SPAG1: variants seen among roughly 807,000 people sequenced by gnomAD.
The protein encoded by SPAG1 is sperm associated antigen 1.
SPAG1 carries 69 observed loss-of-function variants against 100.5 expected under a neutral mutation model. The ratio of observed to expected loss-of-function variants is 0.69; its 90% CI spans 0.57 to 0.84. The LOEUF (loss-of-function observed/expected upper bound fraction) is 0.84. Among genes scored for constraint, SPAG1 ranks in the 40% least tolerant of loss-of-function variants. The probability of loss-of-function intolerance (pLI) is 0.00; values close to 1 mark genes in which losing one functional copy is unlikely to be tolerated. For missense variants in SPAG1, 955 were observed against 1,133.1 expected (o/e 0.84, Z 2.26); for synonymous variants, 336 against 411.6 (o/e 0.82, Z 2.22).
At position 100,162,200 on chromosome 8, in the gene SPAG1, A is replaced by C. The variant is rs778180586; in HGVS notation, c.-2-79A>C. ...TTAAAAATTCAAAAAAATACAAAGA[A>C]GTACCTACATGGTTACCACTATCCA... On this transcript the variant is annotated intron_variant, in intron 1 of 18. Transcript: ENST00000388798. The C allele has an allele frequency of 2.6e-6, 3 of 1,162,734 alleles. No individual in the cohort carries two copies. In the Admixed American group the frequency reaches 8.5e-5, roughly 33 times the overall value. 72.0% of individuals were successfully genotyped at this position (1,162,734 alleles called of 1,614,324 possible).
chr8:100,181,083 C>G (rs1428440745), intron 4 of SPAG1, among the ~76,000 whole-genome samples: 1 of 152,108 alleles, frequency 6.6e-6, no homozygotes, highest in South Asian at 2.1e-4. Context: ...GGCACATGTC[C>G]CAGCCTTTCA....
chr8:100,190,436 C>T (rs1816764977), intron 8 of SPAG1, among the ~76,000 whole-genome samples: 1 of 152,000 alleles, frequency 6.6e-6, no homozygotes, highest in African/African-American at 2.4e-5. Flanking sequence ...GAGAGGCATT[C>T]ATTGTCAGTA....
At chr8:100,197,783 G>A (rs533117985) in intron 10 of SPAG1, among the ~76,000 whole-genome samples, 1 of 152,214 alleles carries the variant, frequency 6.6e-6, no homozygotes, top group African/African-American at 2.4e-5. Context: ...TCCCGACTGG[G>A]GTATAACATA....
At chr8:100,169,477 C>T (rs187650720) in intron 3 of SPAG1, among the ~76,000 whole-genome samples, 82 of 152,300 alleles carry the variant, frequency 5.4e-4, no homozygotes, top group Admixed American at 4.3e-3. Flanking sequence ...CAGTGGCTCA[C>T]GCCTATAATC....
At chr8:100,176,353 CT>C (rs967886344) in intron 3 of SPAG1, among the ~76,000 whole-genome samples, 58 of 145,316 alleles carry the variant, frequency 4.0e-4, no homozygotes, top group African/African-American at 9.3e-4. Context: ...GAATGTCTTT[CT>C]TTTTTTTTTT....
chr8:100,159,237 A>G (rs932600123), intron 1 of SPAG1, among the ~76,000 whole-genome samples: 3 of 152,192 alleles, frequency 2.0e-5, no homozygotes, highest in Non-Finnish European at 4.4e-5. Flanking sequence ...GGCAGCATCA[A>G]TAATTTACGA....
At chr8:100,189,421 G>A (rs1363394491) in intron 8 of SPAG1, among the ~76,000 whole-genome samples, 1 of 152,078 alleles carries the variant, frequency 6.6e-6, no homozygotes. Flanking sequence ...AGGTTGCAGT[G>A]AGCTGAGATC....
chr8:100,232,009 G>C (rs1818794472), intron 15 of SPAG1, among the ~76,000 whole-genome samples: 1 of 151,726 alleles, frequency 6.6e-6, no homozygotes, highest in Non-Finnish European at 1.5e-5. Flanking sequence ...TTTTCCTTCT[G>C]AAGTGCTGCG....
chr8:100,213,795 TATTTA>T lies in SPAG1; in HGVS notation c.1436-20_1436-16del, dbSNP rs1166797100. 1.2e-5 allele frequency: 16 copies of T among 1,380,242 alleles called. No individual in the cohort carries two copies. The highest frequency in any genetic ancestry group is 1.6e-5 in the Non-Finnish European group (16 of 974,536). The allele number at this position is 1,380,242 out of a possible 1,614,324, so 85.5% of individuals were successfully genotyped here. ...TGATCTTGCTAATGGATTTTAACTGTATTTAATTAAATGTGATTTTTAGGAAGTGA... is the reference window on the plus strand; with the variant it reads ...TGATCTTGCTAATGGATTTTAACTGTATTAAATGTGATTTTTAGGAAGTGA... On this transcript the variant is annotated intron_variant, in intron 11 of 18. Coordinates refer to ENST00000388798, the MANE Select transcript of SPAG1 (RefSeq NM_003114.5).
At chr8:100,179,403 A>G (rs746567477) in intron 4 of SPAG1, among the ~76,000 whole-genome samples, 3 of 152,174 alleles carry the variant, frequency 2.0e-5, no homozygotes, top group Non-Finnish European at 4.4e-5. Context: ...AATAACAATA[A>G]TAATAGTCCC....
At position 100,227,958 on chromosome 8, in the gene SPAG1, C is replaced by T. The variant is rs576983765; in HGVS notation, c.1855+2619C>T. Among the ~76,000 whole-genome samples the T allele has an allele frequency of 8.6e-5, 13 of 150,826 alleles. No individual in the cohort carries two copies. In the Admixed American group the frequency reaches 8.6e-4, roughly 10 times the overall value. On this transcript the variant is annotated intron_variant, in intron 14 of 18. Coordinates refer to ENST00000388798, the MANE Select transcript of SPAG1 (RefSeq NM_003114.5). ...ACCTCCTGGGTTCAGGCAGTCTTCC[C>T]ACCTCAGTCCTGAGTAGCTGGGACT...
At chr8:100,213,749 T>C in intron 11 of SPAG1, 70 bp from the exon 12 acceptor site, 1 of 995,386 alleles carries the variant, frequency 1.0e-6, no homozygotes, top group Non-Finnish European at 1.6e-6. Flanking sequence ...ACCTCGGCCG[T>C]CTTGTAATTC....
At chr8:100,221,746 C>A (rs533459623) in intron 13 of SPAG1, among the ~76,000 whole-genome samples, 2 of 152,160 alleles carry the variant, frequency 1.3e-5, no homozygotes, top group Non-Finnish European at 2.9e-5. Flanking sequence ...GCAGAGAGAG[C>A]ACTTGAAGGG....
chr8:100,209,303 CAT>C (rs367809874), intron 10 of SPAG1, among the ~76,000 whole-genome samples: 74 of 145,782 alleles, frequency 5.1e-4, no homozygotes, highest in African/African-American at 7.0e-4. Context: ...CCTTTATATA[CAT>C]ATATATATAT....
chr8:100,217,424 G>C (rs1035631726), intron 12 of SPAG1, among the ~76,000 whole-genome samples: 3 of 152,100 alleles, frequency 2.0e-5, no homozygotes, highest in Non-Finnish European at 4.4e-5. Context: ...TTTTCCAGGG[G>C]TGTGTTTGGA....
chr8:100,230,729 T>A (rs1222940368), intron 14 of SPAG1, among the ~76,000 whole-genome samples: 1 of 152,220 alleles, frequency 6.6e-6, no homozygotes, highest in Non-Finnish European at 1.5e-5. Context: ...GTTCAAGCAC[T>A]TCTCCTGCCT....
intron 8 of SPAG1, among the ~76,000 whole-genome samples, chr8:100,190,497 G>A (rs905351157): frequency 2.7e-5 from 4 of 149,234 alleles, no homozygotes; most frequent in East Asian, 1.9e-4. Flanking sequence ...AATCAAATGC[G>A]AATTATCAAA....
rs768500987 is a variant in SPAG1 at position 100,239,301 on chromosome 8, A to C, written c.2177A>C (p.Glu726Ala). The C allele has an allele frequency of 7.1e-6, 11 of 1,553,894 alleles. No homozygotes were observed. The change falls in exon 17 of 19, where the codon GAG (glutamate) becomes GCG (alanine). Residue 726 changes from glutamate to alanine, a missense_variant. Transcript: ENST00000388798. This position sits in a 1 kb window ranked among gnomAD's most constrained non-coding sequence, Gnocchi z 5.0. The stretch of plus-strand genomic sequence containing the variant: ...ATCCTACTAGATCCAAGTATTATTG[A>C]GGCAAAGATGGAACTGGAAGAGGTA... ...KVILLDPSIIEAKMELEEVTR... is the reference protein window; with the variant it reads ...KVILLDPSIIAAKMELEEVTR...
intron 12 of SPAG1, among the ~76,000 whole-genome samples, chr8:100,218,302 G>GA (rs201279884): frequency 7.3e-4 from 111 of 152,194 alleles, no homozygotes; most frequent in Admixed American, 4.6e-3. Context: ...TGTAGTTAAA[G>GA]AAATAAATTT....
Sources: allele counts gnomAD v4.1 joint callset (sites outside exome capture counted in the v4.1 genomes callset), GRCh38; gene constraint gnomAD v4.1.1; non-coding constraint Gnocchi (gnomAD v3.1); transcripts MANE v1.5; gene names NCBI Gene and HGNC (gene_info 2026-07-23, HGNC 2026-07-21).